The following MACROD2 variants were observed in gnomAD, a reference collection of about 807,000 sequenced individuals.
MACROD2 encodes mono-ADP ribosylhydrolase 2.
MACROD2 carries 36 observed loss-of-function variants against 70.4 expected under a neutral mutation model. That is an observed-to-expected ratio of 0.51 (90% CI 0.39 to 0.68). The LOEUF is 0.68. MACROD2 is among the 30% of genes least tolerant of loss of function. The pLI is 0.00. For missense variants in MACROD2, 496 were observed against 538.4 expected, an observed-to-expected ratio of 0.92 and a Z score of 0.78; for synonymous variants, 172 against 178.8, an observed-to-expected ratio of 0.96 and a Z score of 0.30.
intron 5 of MACROD2, among the ~76,000 whole-genome samples, chr20:14,851,514 A>G (rs1438024003): frequency 2.0e-5 from 3 of 152,166 alleles, no homozygotes; most frequent in Non-Finnish European, 4.4e-5. Flanking sequence ...ATCTCTTTAG[A>G]TAAACTATTC....
chr20:14,837,514 C>A (rs187680523), intron 5 of MACROD2, among the ~76,000 whole-genome samples: 1 of 152,082 alleles, frequency 6.6e-6, no homozygotes, highest in African/African-American at 2.4e-5. Context: ...CCAGTAATTG[C>A]GTTTCTTTGT....
At chr20:15,688,752 A>G (rs1329626355) in intron 8 of MACROD2, among the ~76,000 whole-genome samples, 1 of 152,226 alleles carries the variant, frequency 6.6e-6, no homozygotes, top group Admixed American at 6.5e-5. Flanking sequence ...TTTCTTTTTC[A>G]GTGGGTCCTA....
intron 12 of MACROD2, among the ~76,000 whole-genome samples, chr20:15,962,832 G>A (rs993514392): frequency 5.3e-5 from 8 of 152,118 alleles, no homozygotes; most frequent in African/African-American, 1.9e-4. Flanking sequence ...CCTGTCTGTG[G>A]GCCCTGTTAC....
rs566954766 is a variant in MACROD2, at chr20:15,544,088, G to A, written c.645+44241G>A. On this transcript the variant is annotated intron_variant, in intron 8 of 17. Transcript: ENST00000684519. ...GGGAAAGGATGTGGATACAGAGTCG[G>A]GGAAGAAGAGGGAGCATCATGTGAT... is the stretch of plus-strand genomic sequence containing the variant. 7.0e-4 allele frequency among the ~76,000 whole-genome samples: 106 copies of A among 152,282 alleles called. 1 individual carries two copies. Among genetic ancestry groups the A allele is most frequent in the Middle Eastern group, 6.8e-3 (2 of 294 alleles).
chr20:15,259,035 A>T lies in MACROD2; in HGVS notation c.540+28974A>T, dbSNP rs367643316. On this transcript the variant is annotated intron_variant, in intron 6 of 17. Coordinates refer to ENST00000684519, the MANE Select transcript of MACROD2 (RefSeq NM_001351661.2). Reference sequence around the variant, plus strand: ...AAAAGTCTACAAATGTAGACATGTAACCTCACTAAATCTGGACTCTTTTAT... The same window carrying T: ...AAAAGTCTACAAATGTAGACATGTATCCTCACTAAATCTGGACTCTTTTAT... 2.0e-5 allele frequency among the ~76,000 whole-genome samples: 3 copies of T among 152,154 alleles called. No homozygotes were observed. The East Asian group carries it at 5.8e-4, about 29-fold the overall frequency.
chr20:14,832,826 TAG>T (rs1347379255), intron 5 of MACROD2, among the ~76,000 whole-genome samples: 1 of 152,052 alleles, frequency 6.6e-6, no homozygotes, highest in Admixed American at 6.6e-5. Context: ...AGAAGTGAGG[TAG>T]AGAGTGAGCT....
At chr20:14,177,110 T>C (rs1169894153) in intron 3 of MACROD2, among the ~76,000 whole-genome samples, 1 of 152,178 alleles carries the variant, frequency 6.6e-6, no homozygotes, top group Non-Finnish European at 1.5e-5. Context: ...TACATTAGTG[T>C]ACAAACTTAA....
chr20:15,678,100 A>G (rs1229231977), intron 8 of MACROD2, among the ~76,000 whole-genome samples: 1 of 151,954 alleles, frequency 6.6e-6, no homozygotes, highest in Non-Finnish European at 1.5e-5. Flanking sequence ...GCATACTCAT[A>G]GCTATATATT....
intron 4 of MACROD2, among the ~76,000 whole-genome samples, chr20:14,539,610 C>A (rs1477809300): frequency 2.0e-5 from 3 of 152,122 alleles, no homozygotes; most frequent in Non-Finnish European, 4.4e-5. Context: ...AAAATGCTTC[C>A]TGAAACAAAG....
At chr20:15,282,520 C>A (rs2077455000) in intron 6 of MACROD2, among the ~76,000 whole-genome samples, 1 of 152,206 alleles carries the variant, frequency 6.6e-6, no homozygotes, top group Admixed American at 6.5e-5. Context: ...TAACTCATTT[C>A]TCTCAAGATC....
intron 3 of MACROD2, among the ~76,000 whole-genome samples, chr20:14,190,126 C>T (rs1214805171): frequency 6.6e-6 from 1 of 152,158 alleles, no homozygotes; most frequent in Non-Finnish European, 1.5e-5. Flanking sequence ...CAGACTCTGG[C>T]ACTCATGAAC....
intron 6 of MACROD2, among the ~76,000 whole-genome samples, chr20:15,284,389 C>T (rs2077473226): frequency 6.6e-6 from 1 of 151,928 alleles, no homozygotes; most frequent in Non-Finnish European, 1.5e-5. Flanking sequence ...TGTATTTTTC[C>T]TAAATTAATA....
At chr20:14,724,686 A>G (rs2071507727) in intron 5 of MACROD2, among the ~76,000 whole-genome samples, 1 of 152,192 alleles carries the variant, frequency 6.6e-6, no homozygotes, top group South Asian at 2.1e-4. Context: ...AGTTTGCTAT[A>G]TTCGAGTAAA....
At chr20:14,275,149 C>A (rs564020679) in intron 3 of MACROD2, among the ~76,000 whole-genome samples, 1 of 151,870 alleles carries the variant, frequency 6.6e-6, no homozygotes, top group African/African-American at 2.4e-5. Flanking sequence ...TCATATGGAA[C>A]CAAAAAAGAG....
At chr20:15,183,708 C>G (rs530553792) in intron 5 of MACROD2, among the ~76,000 whole-genome samples, 1 of 152,258 alleles carries the variant, frequency 6.6e-6, no homozygotes, top group South Asian at 2.1e-4. Flanking sequence ...TTGTCTTAAG[C>G]CCAAAACAGT....
rs370918293 is a variant in MACROD2, at chr20:14,591,232, G to A, written c.302-93611G>A. Among the ~76,000 whole-genome samples the A allele has an allele frequency of 1.4e-4, 22 of 152,118 alleles. No individual in the cohort carries two copies. In the South Asian group the frequency reaches 4.6e-3, roughly 32 times the overall value. On this transcript the variant is annotated intron_variant, in intron 4 of 17. Transcript: ENST00000684519. ...GTTTAGTGCCATTGAGCTTCTTTCT[G>A]TATGTATTACAAATTTAATACATTT...
At chr20:15,154,352 G>A (rs928182567) in intron 5 of MACROD2, among the ~76,000 whole-genome samples, 2 of 152,142 alleles carry the variant, frequency 1.3e-5, no homozygotes, top group Non-Finnish European at 2.9e-5. Context: ...TAGCCTGACT[G>A]GAGAGAAGCT....
At chr20:14,482,566 T>G (rs913603803) in intron 3 of MACROD2, among the ~76,000 whole-genome samples, 6 of 151,924 alleles carry the variant, frequency 3.9e-5, no homozygotes, top group Non-Finnish European at 4.4e-5. Flanking sequence ...CCAGGTCAGC[T>G]TCTGCATGAG....
rs183915115 is a variant in MACROD2, at chr20:15,854,844, T to C, written c.646-7901T>C. On this transcript the variant is annotated intron_variant, in intron 8 of 17. Transcript: ENST00000684519. ...CCTGGTCCTCCAACCTCTCAAAACC[T>C]GTCTTTGTACAAATTTGATACTTAA... 1.2e-4 allele frequency among the ~76,000 whole-genome samples: 18 copies of C among 152,328 alleles called. No homozygotes were observed. In the East Asian group the frequency reaches 3.5e-3, roughly 29 times the overall value.
Sources: allele counts gnomAD v4.1 joint callset (sites outside exome capture counted in the v4.1 genomes callset), GRCh38; gene constraint gnomAD v4.1.1; transcripts MANE v1.5; gene names NCBI Gene and HGNC (gene_info 2026-07-23, HGNC 2026-07-21).